Variants in RAPGEF4 observed in about 807,000 individuals in gnomAD.
RAPGEF4 encodes the protein Rap guanine nucleotide exchange factor 4.
Under a neutral mutation model 147.9 loss-of-function variants are expected in RAPGEF4, and 66 were observed. That is an observed-to-expected ratio of 0.45 (90% CI 0.37 to 0.55). RAPGEF4 has a LOEUF of 0.55. Among genes scored for constraint, RAPGEF4 ranks in the 20% least tolerant of loss-of-function variants. The pLI is 0.00. For missense variants in RAPGEF4, 1,071 were observed against 1,257.3 expected (o/e 0.85, Z 2.24); for synonymous variants, 419 against 442.7 (o/e 0.95, Z 0.67).
intron 6 of RAPGEF4, among the ~76,000 whole-genome samples, chr2:172,943,332 G>A (rs940859391): frequency 6.6e-6 from 1 of 152,142 alleles, no homozygotes; most frequent in African/African-American, 2.4e-5. Flanking sequence ...TTTACTTTAA[G>A]GGGAAGGTAA....
At chr2:172,952,767 T>G (rs79591770) in intron 6 of RAPGEF4, among the ~76,000 whole-genome samples, 4,321 of 152,228 alleles carry the variant, frequency 0.028, 94 homozygotes, top group Middle Eastern at 0.058. Flanking sequence ...TAGATATACC[T>G]CCTAGAAAGC....
At chr2:173,017,127 A>C (rs1385559098) in intron 19 of RAPGEF4, 47 bp from the exon 20 acceptor site, 1 of 1,567,960 alleles carries the variant, frequency 6.4e-7, no homozygotes, top group Non-Finnish European at 8.8e-7. Context: ...AAGGCAATTT[A>C]ATAGTAGCAA....
At chr2:172,777,763 C>A (rs999941732) in intron 1 of RAPGEF4, among the ~76,000 whole-genome samples, 1 of 152,112 alleles carries the variant, frequency 6.6e-6, no homozygotes, top group African/African-American at 2.4e-5. Flanking sequence ...TGTTTCCAGG[C>A]AAAATATCAA....
chr2:172,931,583 C>T (rs1315967132), intron 6 of RAPGEF4, among the ~76,000 whole-genome samples: 1 of 152,120 alleles, frequency 6.6e-6, no homozygotes, highest in Non-Finnish European at 1.5e-5. Flanking sequence ...ATTTGATAGC[C>T]CAATCCCAAA....
At chr2:172,774,467 C>T (rs564271961) in intron 1 of RAPGEF4, among the ~76,000 whole-genome samples, 3 of 152,302 alleles carry the variant, frequency 2.0e-5, no homozygotes, top group African/African-American at 7.2e-5. Flanking sequence ...TTTCCTACCC[C>T]CATGCCTTTA....
At chr2:172,752,955 C>A (rs2149446338) in intron 1 of RAPGEF4, among the ~76,000 whole-genome samples, 1 of 152,288 alleles carries the variant, frequency 6.6e-6, no homozygotes, top group South Asian at 2.1e-4. Context: ...ATCTTAACAA[C>A]TTTAGAGGTT....
chr2:172,977,139 C>T (rs181430972), intron 10 of RAPGEF4, among the ~76,000 whole-genome samples: 1 of 152,192 alleles, frequency 6.6e-6, no homozygotes, highest in Non-Finnish European at 1.5e-5. Context: ...GTAGGTTACT[C>T]TTATGAAGGT....
chr2:172,783,839 A>T (rs6723229), intron 1 of RAPGEF4, among the ~76,000 whole-genome samples: 105,982 of 151,586 alleles, frequency 0.7, 37,070 homozygotes, highest in East Asian at 0.74. Context: ...GAGAGGAGTT[A>T]GGAGAGCAGA....
intron 19 of RAPGEF4, 126 bp downstream of exon 19, chr2:173,016,563 C>A: frequency 1.3e-6 from 1 of 743,294 alleles, no homozygotes. Context: ...TTTAAGCAGA[C>A]TGGGCTGAGG....
At chr2:172,775,377 G>A (rs1037629306) in intron 1 of RAPGEF4, among the ~76,000 whole-genome samples, 40 of 152,116 alleles carry the variant, frequency 2.6e-4, no homozygotes, top group Admixed American at 2.6e-3. Context: ...AGCCTACCTG[G>A]CCTGATCTAT....
intron 22 of RAPGEF4, among the ~76,000 whole-genome samples, chr2:173,019,420 A>G (rs1055749935): frequency 6.6e-6 from 1 of 152,242 alleles, no homozygotes; most frequent in African/African-American, 2.4e-5. Context: ...TCACGTCCCC[A>G]GGTTGTTCCC....
chr2:173,001,676 G>A (rs1693935708), intron 17 of RAPGEF4, among the ~76,000 whole-genome samples: 1 of 152,108 alleles, frequency 6.6e-6, no homozygotes, highest in African/African-American at 2.4e-5. Flanking sequence ...CTGCTAGGAA[G>A]TATCGTGCCA....
At chr2:172,986,192 G>A (rs1692230598) in intron 12 of RAPGEF4, among the ~76,000 whole-genome samples, 1 of 152,198 alleles carries the variant, frequency 6.6e-6, no homozygotes, top group Admixed American at 6.5e-5. Flanking sequence ...AATCTCTCTT[G>A]CAGAATCACA....
intron 4 of RAPGEF4, among the ~76,000 whole-genome samples, chr2:172,886,312 A>C (rs1697206364): frequency 6.6e-6 from 1 of 152,192 alleles, no homozygotes; most frequent in African/African-American, 2.4e-5. Flanking sequence ...TGATATAACC[A>C]CAGAGTTGAG....
At chr2:172,913,996 G>T (rs1257069353) in intron 4 of RAPGEF4, among the ~76,000 whole-genome samples, 2 of 152,036 alleles carry the variant, frequency 1.3e-5, no homozygotes, top group Non-Finnish European at 2.9e-5. Flanking sequence ...CCACAAAATG[G>T]TATATACACC....
intron 1 of RAPGEF4, among the ~76,000 whole-genome samples, chr2:172,745,953 G>A (rs1219052299): frequency 2.0e-5 from 3 of 152,138 alleles, no homozygotes; most frequent in African/African-American, 7.2e-5. Flanking sequence ...CTGCGAGGGG[G>A]CCAATATAAT....
chr2:172,759,631 T>C (rs1696105553), intron 1 of RAPGEF4, among the ~76,000 whole-genome samples: 1 of 152,234 alleles, frequency 6.6e-6, no homozygotes, highest in Admixed American at 6.5e-5. Context: ...ATATGGTTCA[T>C]TGGTTGCCAT....
chr2:172,910,323 T>G (rs997051811), intron 4 of RAPGEF4, among the ~76,000 whole-genome samples: 108 of 152,346 alleles, frequency 7.1e-4, no homozygotes, highest in African/African-American at 2.2e-3. Context: ...CACACCACTT[T>G]GAGGGCTATA....
At position 173,001,691 on chromosome 2, in the gene RAPGEF4, C is replaced by G. The variant is rs190241163; in HGVS notation, c.1658+347C>G. Among the ~76,000 whole-genome samples the G allele has an allele frequency of 1.5e-3, 227 of 152,140 alleles. 1 individual carries two copies. The highest frequency in any genetic ancestry group is 5.2e-3 in the African/African-American group (215 of 41,512). ...CTGCTAGGAAGTATCGTGCCAGCCT[C>G]TGTTTCTGGGGAGGACTTGGGGAAG... is the stretch of plus-strand genomic sequence containing the variant. On this transcript the variant is annotated intron_variant, in intron 17 of 30. Transcript: ENST00000397081.
Sources: gnomAD v4.1 joint callset for allele counts (sites outside exome capture counted in the v4.1 genomes callset) on GRCh38, gnomAD v4.1.1 for gene constraint, MANE v1.5 for transcripts, NCBI Gene and HGNC (gene_info 2026-07-23, HGNC 2026-07-21) for gene names.